PTK2: variants seen among roughly 807,000 people sequenced by gnomAD.
The protein encoded by PTK2 is focal adhesion kinase 1.
PTK2 carries 45 observed loss-of-function variants against 150.1 expected under a neutral mutation model. That is an observed-to-expected ratio of 0.30 (90% confidence interval 0.24 to 0.38). The LOEUF (loss-of-function observed/expected upper bound fraction) is 0.38. PTK2 is among the 10% of genes least tolerant of loss of function. The probability of loss-of-function intolerance (pLI) is 1.00; values close to 1 mark genes in which losing one functional copy is unlikely to be tolerated. For missense variants in PTK2, 919 were observed against 1,307.3 expected, an observed-to-expected ratio of 0.70 and a Z score of 4.58; for synonymous variants, 432 against 449.2, an observed-to-expected ratio of 0.96 and a Z score of 0.48.
At chr8:140,806,722 C>G (rs1488733186) in intron 10 of PTK2, among the ~76,000 whole-genome samples, 1 of 152,124 alleles carries the variant, frequency 6.6e-6, no homozygotes, top group Non-Finnish European at 1.5e-5. Context: ...GTGCGTCTGA[C>G]TAGAGTGCCT....
At chr8:140,852,951 G>A (rs2100130241) in intron 5 of PTK2, among the ~76,000 whole-genome samples, 1 of 152,192 alleles carries the variant, frequency 6.6e-6, no homozygotes, top group Non-Finnish European at 1.5e-5. Context: ...CATACCTGAA[G>A]ACGGCCACAA....
chr8:140,746,285 T>C (rs1490371405), intron 18 of PTK2, among the ~76,000 whole-genome samples: 2 of 152,266 alleles, frequency 1.3e-5, no homozygotes, highest in Non-Finnish European at 2.9e-5. Flanking sequence ...GAGCTGTGGT[T>C]ATGCTACTAC....
exon 32 of PTK2, chr8:140,659,485 C>G: frequency 6.2e-7 from 1 of 1,612,762 alleles, no homozygotes; most frequent in Non-Finnish European, 8.5e-7. Flanking sequence ...TCTCGTCTGC[C>G]CAAGCATTTT....
intron 2 of PTK2, among the ~76,000 whole-genome samples, chr8:140,906,105 A>G (rs1054743059): frequency 5.9e-5 from 9 of 152,108 alleles, no homozygotes; most frequent in Admixed American, 2.0e-4. Context: ...GCCAATAGGT[A>G]TATGGAAAAA....
intron 1 of PTK2, among the ~76,000 whole-genome samples, chr8:140,960,497 C>A (rs930447553): frequency 6.6e-6 from 1 of 151,914 alleles, no homozygotes; most frequent in Admixed American, 6.6e-5. Context: ...TATGAGCCAC[C>A]GCGGCTGGCC....
chr8:140,922,214 T>C (rs2100167734), intron 2 of PTK2, among the ~76,000 whole-genome samples: 2 of 152,106 alleles, frequency 1.3e-5, no homozygotes, highest in South Asian at 4.1e-4. Flanking sequence ...CTACTCTTGA[T>C]GATGGCTTTG....
intron 3 of PTK2, among the ~76,000 whole-genome samples, chr8:140,882,776 C>CA (rs2100149938): frequency 6.6e-6 from 1 of 152,144 alleles, no homozygotes; most frequent in Admixed American, 6.5e-5. Context: ...TAGCTGTCAT[C>CA]AAAGGTATTT....
chr8:140,921,072 A>G (rs913718666), intron 2 of PTK2: 8 of 1,316,752 alleles, frequency 6.1e-6, no homozygotes, highest in Admixed American at 3.9e-5. Flanking sequence ...TCCTTCTGTA[A>G]TATTTTCCAG....
intron 1 of PTK2, among the ~76,000 whole-genome samples, chr8:140,944,932 T>C (rs962569453): frequency 6.6e-6 from 1 of 152,228 alleles, no homozygotes; most frequent in East Asian, 1.9e-4. Flanking sequence ...TCATTATTGT[T>C]GGCTTAATTT....
intron 5 of PTK2, among the ~76,000 whole-genome samples, chr8:140,857,839 C>G (rs1319714809): frequency 6.6e-6 from 1 of 151,972 alleles, no homozygotes; most frequent in African/African-American, 2.4e-5. Flanking sequence ...GAAAGAATCC[C>G]CAAACTAGGT....
intron 30 of PTK2, 88 bp downstream of exon 34, chr8:140,668,181 G>A (rs895884952): frequency 2.3e-5 from 34 of 1,490,652 alleles, no homozygotes; most frequent in Non-Finnish European, 3.0e-5. Flanking sequence ...TGGTGGGGCG[G>A]GGGGACCTAG....
chr8:141,002,020 C>CG (rs2100200360), upstream of PTK2: 1 of 152,204 alleles, frequency 6.6e-6, no homozygotes, highest in Non-Finnish European at 1.5e-5. Flanking sequence ...AGACCTGAGA[C>CG]GGGCTCCAGG....
intron 23 of PTK2, among the ~76,000 whole-genome samples, chr8:140,710,705 TA>T (rs1194557419): frequency 1.3e-5 from 2 of 152,016 alleles, no homozygotes; most frequent in Non-Finnish European, 2.9e-5. Flanking sequence ...ACAACAAAAA[TA>T]AGTATACTGG....
chr8:140,805,550 CAAA>C (rs59135954), intron 10 of PTK2, among the ~76,000 whole-genome samples: 4 of 82,230 alleles, frequency 4.9e-5, no homozygotes, highest in Non-Finnish European at 7.5e-5. Context: ...AACTCTGTCT[CAAA>C]AAAAAAAAAA....
At chr8:140,757,793 G>A (rs1041516803) in intron 16 of PTK2, among the ~76,000 whole-genome samples, 5 of 152,130 alleles carry the variant, frequency 3.3e-5, no homozygotes, top group African/African-American at 1.2e-4. Flanking sequence ...TAACATTTTG[G>A]TCAATGATGG....
chr8:140,832,643 A>G (rs567190549), intron 7 of PTK2, among the ~76,000 whole-genome samples: 31 of 152,166 alleles, frequency 2.0e-4, no homozygotes, highest in Non-Finnish European at 3.8e-4. Flanking sequence ...GCTGGTGGAC[A>G]GGAGAAGCGG....
At position 140,715,177 on chromosome 8, in the gene PTK2, T is replaced by G. The variant is rs1001668314; in HGVS notation, c.2142+2421A>C. Reference sequence around the variant, plus strand: ...ACCGTTTTTTTTTTTTTTTTTTTTTTTTTTTTTTTTTTTTTGAGAGAGTCT... The same window carrying G: ...ACCGTTTTTTTTTTTTTTTTTTTTTGTTTTTTTTTTTTTTTGAGAGAGTCT... On this transcript the variant is annotated intron_variant, in intron 23 of 31. Coordinates refer to ENST00000522684, the Ensembl canonical transcript of PTK2. Among the ~76,000 whole-genome samples, 355 of 130,766 alleles carry G rather than the reference T, an allele frequency of 2.7e-3. 1 individual carries two copies. Among genetic ancestry groups the G allele is most frequent in the African/African-American group, 9.3e-3 (318 of 34,202 alleles). The allele number at this position is 130,766 out of a possible 152,430, so 85.8% of individuals were successfully genotyped here.
chr8:140,892,212 A>C (rs928490727), intron 2 of PTK2, among the ~76,000 whole-genome samples: 3 of 151,890 alleles, frequency 2.0e-5, no homozygotes, highest in African/African-American at 4.8e-5. Context: ...TCTCAAAACA[A>C]ACAAACGAAC....
chr8:140,745,429 T>C (rs2100058141), intron 18 of PTK2, among the ~76,000 whole-genome samples: 1 of 152,232 alleles, frequency 6.6e-6, no homozygotes, highest in East Asian at 1.9e-4. Flanking sequence ...CCATATTTTT[T>C]GAGCCGGAAG....
Sources: gnomAD v4.1 joint callset for allele counts (sites outside exome capture counted in the v4.1 genomes callset) on GRCh38, gnomAD v4.1.1 for gene constraint, MANE v1.5 for transcripts, NCBI Gene and HGNC (gene_info 2026-07-23, HGNC 2026-07-21) for gene names.